Variants in TMEM163 observed in about 807,000 individuals in gnomAD.
TMEM163 encodes transmembrane protein 163.
Under a neutral mutation model 29.3 loss-of-function variants are expected in TMEM163, and 17 were observed. The observed-to-expected ratio is 0.58, with a 90% CI of 0.40 to 0.87. The LOEUF (loss-of-function observed/expected upper bound fraction) is 0.87, where lower values mean the gene tolerates loss of function less well. TMEM163 is among the 40% of genes least tolerant of loss of function. The pLI, the probability that TMEM163 is intolerant of heterozygous loss-of-function variation, is 0.00. For missense variants in TMEM163, 303 were observed against 381.5 expected (o/e 0.79, Z 1.71); for synonymous variants, 157 against 160.6 (o/e 0.98, Z 0.17).
At chr2:134,518,745 A>G (rs1322025106) in intron 4 of TMEM163, among the ~76,000 whole-genome samples, 1 of 152,042 alleles carries the variant, frequency 6.6e-6, no homozygotes, top group African/African-American at 2.4e-5. Flanking sequence ...ACCTCAATTG[A>G]CTTTTCCTCT....
intron 2 of TMEM163, among the ~76,000 whole-genome samples, chr2:134,648,239 T>A (rs1190760646): frequency 6.6e-6 from 1 of 152,084 alleles, no homozygotes; most frequent in Non-Finnish European, 1.5e-5. Context: ...CATCAAGCTA[T>A]CCCTCTGAAG....
chr2:134,693,631 C>T (rs894900066), intron 2 of TMEM163, among the ~76,000 whole-genome samples: 6 of 137,154 alleles, frequency 4.4e-5, no homozygotes, highest in Non-Finnish European at 3.1e-5. Flanking sequence ...AAAAAAAAAA[C>T]CTGAAACTGA....
At chr2:134,691,406 C>T (rs1684463142) in intron 2 of TMEM163, among the ~76,000 whole-genome samples, 2 of 152,134 alleles carry the variant, frequency 1.3e-5, no homozygotes, top group African/African-American at 4.8e-5. Flanking sequence ...TTCTCCAATC[C>T]GGGTTTCTCA....
intron 4 of TMEM163, among the ~76,000 whole-genome samples, chr2:134,511,154 G>GA (rs35666298): frequency 5.6e-5 from 2 of 35,454 alleles, no homozygotes; most frequent in Non-Finnish European, 8.7e-5. Context: ...AGAACAAGGC[G>GA]GGGGGGGGTG....
chr2:134,691,639 A>T (rs1343172215), intron 2 of TMEM163, among the ~76,000 whole-genome samples: 1 of 152,194 alleles, frequency 6.6e-6, no homozygotes, highest in Non-Finnish European at 1.5e-5. Context: ...AATAGACAGC[A>T]CTATGCTGAC....
At chr2:134,706,253 C>A (rs930303430) in intron 2 of TMEM163, among the ~76,000 whole-genome samples, 1 of 152,160 alleles carries the variant, frequency 6.6e-6, no homozygotes, top group Admixed American at 6.5e-5. Context: ...GCATCCCCAC[C>A]ATTTACAAAG....
chr2:134,519,411 A>G (rs1209174129), intron 4 of TMEM163, among the ~76,000 whole-genome samples: 1 of 152,166 alleles, frequency 6.6e-6, no homozygotes, highest in Admixed American at 6.5e-5. Context: ...GGATGTGAGC[A>G]AGCTTTAAAA....
At chr2:134,660,215 A>G (rs1241837910) in intron 2 of TMEM163, among the ~76,000 whole-genome samples, 4 of 152,112 alleles carry the variant, frequency 2.6e-5, no homozygotes, top group Admixed American at 2.6e-4. Context: ...TGCAATGGAG[A>G]AACACCAGAG....
intron 2 of TMEM163, among the ~76,000 whole-genome samples, chr2:134,683,434 A>C (rs1684289777): frequency 6.6e-6 from 1 of 152,124 alleles, no homozygotes; most frequent in South Asian, 2.1e-4. Flanking sequence ...TTTAAAAAAA[A>C]AAAAAAGAAA....
chr2:134,576,771 C>G (rs72984280), intron 2 of TMEM163, among the ~76,000 whole-genome samples: 3,051 of 152,270 alleles, frequency 0.02, 55 homozygotes, highest in African/African-American at 0.041. Context: ...GACAGGTCCA[C>G]CTAAGTTCCT....
intron 2 of TMEM163, among the ~76,000 whole-genome samples, chr2:134,701,728 G>A (rs1380288261): frequency 6.6e-6 from 1 of 151,954 alleles, no homozygotes; most frequent in Non-Finnish European, 1.5e-5. Flanking sequence ...GACCAGTCTG[G>A]CCAACACGGT....
At chr2:134,644,548 CA>C (rs1417899736) in intron 2 of TMEM163, among the ~76,000 whole-genome samples, 3 of 152,058 alleles carry the variant, frequency 2.0e-5, no homozygotes, top group African/African-American at 7.2e-5. Flanking sequence ...CATTCATATG[CA>C]AAAAATAAGT....
chr2:134,472,582 C>G (rs1686829901), intron 5 of TMEM163, among the ~76,000 whole-genome samples: 2 of 152,206 alleles, frequency 1.3e-5, no homozygotes, highest in Non-Finnish European at 2.9e-5. Context: ...GAGCAAGCCA[C>G]CCACTTATGT....
intron 2 of TMEM163, among the ~76,000 whole-genome samples, chr2:134,709,876 T>G (rs768893838): frequency 6.6e-6 from 1 of 152,238 alleles, no homozygotes; most frequent in Non-Finnish European, 1.5e-5. Flanking sequence ...CCTGGAGGCT[T>G]CATCTGCATG....
rs938671689 is a variant in TMEM163, at chr2:134,667,162, A to G, written c.322+46038T>C. On this transcript the variant is annotated intron_variant, in intron 2 of 7. Transcript: ENST00000281924. ...ACCCAGTGAAGTGCTCCTTCTGAGA[A>G]TAATCAAAACCAACATTGTGACAGA... Among the ~76,000 whole-genome samples, 3 of 152,346 alleles carry G rather than the reference A, an allele frequency of 2.0e-5. No individual in the cohort carries two copies. In the South Asian group the frequency reaches 6.2e-4, roughly 32 times the overall value.
At chr2:134,694,400 G>A (rs1684536329) in intron 2 of TMEM163, among the ~76,000 whole-genome samples, 1 of 152,200 alleles carries the variant, frequency 6.6e-6, no homozygotes, top group Admixed American at 6.5e-5. Context: ...TGGGAAGAAT[G>A]GCACTGCCCA....
intron 2 of TMEM163, among the ~76,000 whole-genome samples, chr2:134,702,073 G>A (rs202078161): frequency 6.6e-6 from 1 of 152,192 alleles, no homozygotes; most frequent in East Asian, 1.9e-4. Context: ...CCAAAAAGAA[G>A]GATCTGAAAG....
chr2:134,642,574 C>T (rs550861677), intron 2 of TMEM163, among the ~76,000 whole-genome samples: 1 of 152,260 alleles, frequency 6.6e-6, no homozygotes, highest in East Asian at 1.9e-4. Flanking sequence ...ATACCATACA[C>T]CATAACAGTA....
At chr2:134,620,525 G>A (rs1682707982) in intron 2 of TMEM163, among the ~76,000 whole-genome samples, 1 of 152,086 alleles carries the variant, frequency 6.6e-6, no homozygotes, top group Non-Finnish European at 1.5e-5. Context: ...CCAAAGTGCT[G>A]GGATTACAGG....
Sources: gnomAD v4.1 joint callset for allele counts (sites outside exome capture counted in the v4.1 genomes callset) on GRCh38, gnomAD v4.1.1 for gene constraint, MANE v1.5 for transcripts, NCBI Gene and HGNC (gene_info 2026-07-23, HGNC 2026-07-21) for gene names.